The following C3 variants were observed in gnomAD, a reference collection of about 807,000 sequenced individuals.
C3 encodes the protein C3 and PZP-like alpha-2-macroglobulin domain-containing protein 1.
C3 carries 97 observed loss-of-function variants against 207.9 expected under a neutral mutation model. That is an observed-to-expected ratio of 0.47 (90% CI 0.40 to 0.55). The LOEUF (loss-of-function observed/expected upper bound fraction) is 0.55. C3 is among the 20% of genes least tolerant of loss of function. The pLI, the probability that C3 is intolerant of heterozygous loss-of-function variation, is 0.00. For missense variants in C3, 1,684 were observed against 2,171.7 expected, an observed-to-expected ratio of 0.78 and a Z score of 4.46; for synonymous variants, 848 against 857.6, an observed-to-expected ratio of 0.99 and a Z score of 0.20.
Position 6,714,174 on chromosome 19 carries a change from T to G in C3, c.674A>C (p.Lys225Thr), listed in dbSNP as rs778130068. 1 of 1,613,656 alleles carries G rather than the reference T, an allele frequency of 6.2e-7. No homozygotes were observed. Among genetic ancestry groups the G allele is most frequent in the South Asian group, 1.1e-5 (1 of 91,074 alleles). The change falls in exon 6 of 41, where the codon AAG (lysine) becomes ACG (threonine). Residue 225 changes from lysine (K) to threonine (T), a missense_variant. By Grantham distance (78) the Lys-to-Thr change is moderately conservative. This residue lies in a region of C3 where 1,280 missense variants were observed against 1,739.1 expected (regional missense o/e 0.74). Coordinates refer to ENST00000245907, the MANE Select transcript of C3 (RefSeq NM_000064.4). ...QQVFSTEFEVKEYVLPSFEVI... is the reference protein window; with the variant it reads ...QQVFSTEFEVTEYVLPSFEVI... ...GCCCCTCCTCCTCTTACCGTACTCCTTCACCTCAAACTCAGTGGAGAAGAC... is the reference window on the plus strand; with the variant it reads ...GCCCCTCCTCCTCTTACCGTACTCCGTCACCTCAAACTCAGTGGAGAAGAC...
intron 37 of C3, 76 bp from the exon 38 acceptor site, chr19:6,679,284 C>T: frequency 6.8e-7 from 1 of 1,478,354 alleles, no homozygotes. Context: ...GTGGCCAGCC[C>T]TGGGAGCCTA....
At chr19:6,690,490 C>A in intron 27 of C3, 139 bp downstream of exon 27, 1 of 729,026 alleles carries the variant, frequency 1.4e-6, no homozygotes. Flanking sequence ...AAGATGTTAG[C>A]TATTAACATG....
Position 6,709,862 on chromosome 19 carries a change from G to C in C3, c.1687-20C>G, listed in dbSNP as rs186250467. Reference sequence around the variant, plus strand: ...CACCAGCTGTGGGGAGGGTGGAGACGCCGAAAGAAGTCAGCCCTGGGAGAG... The same window carrying C: ...CACCAGCTGTGGGGAGGGTGGAGACCCCGAAAGAAGTCAGCCCTGGGAGAG... On this transcript the variant is annotated intron_variant, in intron 13 of 40. Transcript: ENST00000245907. 5 of 1,611,446 alleles carry C rather than the reference G, an allele frequency of 3.1e-6. No homozygotes were observed. The East Asian group carries it at 1.1e-4, about 36-fold the overall frequency.
At chr19:6,686,969 G>A in intron 27 of C3, 67 bp from the exon 28 acceptor site, 1 of 1,491,816 alleles carries the variant, frequency 6.7e-7, no homozygotes, top group Non-Finnish European at 9.3e-7. Flanking sequence ...AGGATCATTC[G>A]AGCAGCACTT....
At chr19:6,688,126 G>C (rs900150596) in intron 27 of C3, among the ~76,000 whole-genome samples, 1 of 145,442 alleles carries the variant, frequency 6.9e-6, no homozygotes, top group African/African-American at 2.6e-5. Context: ...TTACAGGCGT[G>C]AGCCACCGCG....
intron 24 of C3, 43 bp downstream of exon 24, chr19:6,694,388 G>T: frequency 6.3e-7 from 1 of 1,579,940 alleles, no homozygotes; most frequent in Non-Finnish European, 8.7e-7. Flanking sequence ...GGATGCGCTC[G>T]GAAAGGGGTC....
chr19:6,710,574 G>A (rs1383307043), intron 13 of C3, 65 bp downstream of exon 13: 2 of 154,580 alleles, frequency 1.3e-5, no homozygotes, highest in Non-Finnish European at 1.6e-5. Context: ...AGGAGACAGG[G>A]AGAGAGAGAG....
Position 6,710,811 on chromosome 19 carries a change from C to T in C3, c.1514G>A (p.Arg505His), listed in dbSNP as rs200165327. The part of the protein sequence containing the change: ...MNKGRLLKAG[R>H]QVREPGQDLV... ...GTCCTGGCCGGGCTCTCGCACCTGGCGTCCCGCCTTCAACAGCCTGCCCTT... is the reference window on the plus strand; with the variant it reads ...GTCCTGGCCGGGCTCTCGCACCTGGTGTCCCGCCTTCAACAGCCTGCCCTT... Residue 505 changes from arginine (R) to histidine (H), a missense_variant, in exon 13 of 41, where the codon CGC (arginine) becomes CAC (histidine). By Grantham distance (29) the Arg-to-His change is conservative. Coordinates refer to ENST00000245907, the MANE Select transcript of C3 (RefSeq NM_000064.4). The T allele has an allele frequency of 9.9e-6, 16 of 1,613,816 alleles. No individual in the cohort carries two copies. The highest frequency in any genetic ancestry group is 1.7e-5 in the Admixed American group (1 of 60,004).
chr19:6,711,687 C>A (rs964128108), intron 11 of C3, among the ~76,000 whole-genome samples: 6 of 152,184 alleles, frequency 3.9e-5, no homozygotes, highest in African/African-American at 1.4e-4. Flanking sequence ...GTGGGGTGCG[C>A]AGCCTGGGAG....
Position 6,710,417 on chromosome 19 carries a change from TAAAG to T in C3, c.1686+218_1686+221del, listed in dbSNP as rs371357931. 6.6e-3 allele frequency among the ~76,000 whole-genome samples: 706 copies of T among 106,280 alleles called. 5 individuals carry two copies. The highest frequency in any genetic ancestry group is 7.6e-3 in the Middle Eastern group (1 of 132). The allele number at this position is 106,280 out of a possible 152,430, so 69.7% of individuals were successfully genotyped here. A position where few individuals can be genotyped will look rare whatever the true frequency, so the allele number is the denominator to read the frequency against. ...AGGGAGAGAGAGAAGGAAAGAGAAA[TAAAG>T]AGAGAGGGAAAGAGAGATGTAGAGA... On this transcript the variant is annotated intron_variant, in intron 13 of 40. Coordinates refer to ENST00000245907, the MANE Select transcript of C3 (RefSeq NM_000064.4).
In C3 at chr19:6,714,161, C is replaced by T; in HGVS notation, c.682+5G>A. ...CTGACTCCCCCCAGCCCCTCCTCCT[C>T]TTACCGTACTCCTTCACCTCAAACT... On this transcript the variant is annotated splice_donor_5th_base_variant and intron_variant, in intron 6 of 40. Coordinates refer to ENST00000245907, the MANE Select transcript of C3 (RefSeq NM_000064.4). 1 of 1,613,616 alleles carries T rather than the reference C, an allele frequency of 6.2e-7. No homozygotes were observed. The highest frequency in any genetic ancestry group is 8.5e-7 in the Non-Finnish European group (1 of 1,179,876).
chr19:6,698,293 C>T (rs193234245), intron 19 of C3, among the ~76,000 whole-genome samples: 4 of 152,134 alleles, frequency 2.6e-5, no homozygotes, highest in South Asian at 2.1e-4. Context: ...AGATTACAGG[C>T]GTGAGCCACT....
Position 6,696,407 on chromosome 19 carries a change from G to A in C3, c.2922C>T (p.Thr974=), listed in dbSNP as rs139152390. 2.5e-5 allele frequency: 40 copies of A among 1,613,022 alleles called. No individual in the cohort carries two copies. In the African/African-American group the frequency reaches 2.9e-4, roughly 12 times the overall value. The part of the protein sequence containing the change: ...PADLSDQVPD[T]ESETRILLQG... ...GCAGGAGAATTCTGGTCTCAGACTC[G>A]GTGTCCGGGACTTGGTCACTGAGGT... is the stretch of plus-strand genomic sequence containing the variant. Residue 974 remains threonine (T), a synonymous_variant, in exon 23 of 41, where the codon ACC becomes ACT. Coordinates refer to ENST00000245907, the MANE Select transcript of C3 (RefSeq NM_000064.4).
At chr19:6,682,397 C>G in intron 33 of C3, 168 bp from the exon 34 acceptor site, 1 of 661,372 alleles carries the variant, frequency 1.5e-6, no homozygotes, top group East Asian at 2.8e-5. Flanking sequence ...AAATAAAAAG[C>G]AAGGTAATGT....
At chr19:6,713,375 G>A in intron 8 of C3, 32 bp downstream of exon 8, 2 of 1,613,778 alleles carry the variant, frequency 1.2e-6, no homozygotes, top group South Asian at 1.1e-5. Context: ...GGGGACTGGG[G>A]CAGGGATCAA....
At position 6,678,460 on chromosome 19, in the gene C3, G is replaced by T. The variant is rs1218617198; in HGVS notation, c.4631-5C>A. The T allele has an allele frequency of 5.0e-6, 8 of 1,613,544 alleles. No individual in the cohort carries two copies. The highest frequency in any genetic ancestry group is 3.3e-5 in the Admixed American group (2 of 60,004). On this transcript the variant is annotated splice_region_variant and splice_polypyrimidine_tract_variant and intron_variant, in intron 38 of 40. Coordinates refer to ENST00000245907, the MANE Select transcript of C3 (RefSeq NM_000064.4). ...TGACCAGTCGGGTCTTGTACACTGT[G>T]GGGGAGAGGCAGACAGTTTGGGTGG...
In C3 at chr19:6,680,174, G is replaced by A. The variant is rs373153554; in HGVS notation, c.4440C>T (p.Tyr1480=). ...ELIQPGAVKV[Y]AYYNLEESCT... ...GCTGCTCACCCAGGTTGTAATAGGC[G>A]TAGACCTTGACTGCTCCAGGCTGGA... Residue 1480 remains tyrosine, a synonymous_variant, in exon 36 of 41, where the codon TAC becomes TAT. Transcript: ENST00000245907. 3.2e-5 allele frequency: 52 copies of A among 1,609,960 alleles called. No individual in the cohort carries two copies. The East Asian group carries it at 3.8e-4, about 12-fold the overall frequency.
At chr19:6,709,169 C>T (rs1967852354) in intron 14 of C3, among the ~76,000 whole-genome samples, 1 of 152,168 alleles carries the variant, frequency 6.6e-6, no homozygotes, top group African/African-American at 2.4e-5. Flanking sequence ...CAATTCTCAG[C>T]CGGGCGCAGT....
chr19:6,692,525 A>T (rs1434326019), intron 26 of C3, among the ~76,000 whole-genome samples: 3 of 151,698 alleles, frequency 2.0e-5, no homozygotes, highest in Non-Finnish European at 2.9e-5. Context: ...CCAAATAAGG[A>T]GGGGCGGGGA....
Sources: allele counts gnomAD v4.1 joint callset (sites outside exome capture counted in the v4.1 genomes callset), GRCh38; gene constraint gnomAD v4.1.1; regional missense constraint gnomAD v4.1.1; transcripts MANE v1.5; gene names NCBI Gene and HGNC (gene_info 2026-07-23, HGNC 2026-07-21).